ELMO3: variants seen among roughly 807,000 people sequenced by gnomAD.
ELMO3 encodes engulfment and cell motility protein 3.
In ELMO3, 81 loss-of-function variants were observed where a neutral mutation model predicts 89.0. The observed-to-expected ratio is 0.91, with a 90% CI of 0.76 to 1.09. The LOEUF is 1.09. Ranked by LOEUF, ELMO3 falls within the 50% of genes least tolerant of loss-of-function variation. The pLI is 0.00. For missense variants in ELMO3, 959 were observed against 972.8 expected (o/e 0.99, Z 0.19); for synonymous variants, 406 against 400.6 (o/e 1.01, Z -0.16).
At position 67,200,516 on chromosome 16, in the gene ELMO3, C is replaced by A; in HGVS notation, c.479C>A (p.Ser160Tyr). 6.2e-7 allele frequency: 1 copy of A among 1,613,726 alleles called. No homozygotes were observed. Residue 160 changes from serine (S) to tyrosine (Y), a missense_variant, in exon 6 of 20, where the codon TCC (serine) becomes TAC (tyrosine). Transcript: ENST00000393997. The part of the protein sequence containing the change: ...FSELMEHGVV[S>Y]WETLSIPFVR... ...GAGCTCATGGAGCACGGCGTGGTGT[C>A]CTGGGAGACTCTGAGCATCCCCTTT...
At chr16:67,199,837 C>T (rs933513596) in intron 3 of ELMO3, 81 bp downstream of exon 3, 1 of 1,603,244 alleles carries the variant, frequency 6.2e-7, no homozygotes, top group Non-Finnish European at 8.5e-7. Flanking sequence ...GGCTCTTCAT[C>T]CCACTACCGG....
chr16:67,199,465 C>A (rs1597278765), intron 1 of ELMO3, 61 bp downstream of exon 1: 11 of 1,586,610 alleles, frequency 6.9e-6, no homozygotes, highest in Non-Finnish European at 9.4e-6. Flanking sequence ...AGCCCCCTGG[C>A]CCTCGGGGCA....
In ELMO3 at chr16:67,201,872, C is replaced by T. The variant is rs1442215997; in HGVS notation, c.1049C>T (p.Ser350Phe). ...CGAGAGTTCCGCAAACTGGGCTTTT[C>T]TGTGAGTATCACCCCTACCCAACTC... ...CAREFRKLGF[S>F]NSNPAQDLER... Residue 350 changes from serine to phenylalanine, a missense_variant and splice_region_variant, in exon 11 of 20, where the codon TCT becomes TTT. Physicochemically the swap from Ser to Phe is radical, Grantham distance 155. Transcript: ENST00000393997. The T allele has an allele frequency of 6.2e-7, 1 of 1,606,964 alleles. No homozygotes were observed. The highest frequency in any genetic ancestry group is 8.5e-7 in the Non-Finnish European group (1 of 1,177,622).
At chr16:67,201,668 C>A in intron 10 of ELMO3, 26 bp downstream of exon 10, 1 of 1,609,906 alleles carries the variant, frequency 6.2e-7, no homozygotes. Context: ...GAGGACAAGG[C>A]AGGGGGTGGC....
rs764468014 is a variant in ELMO3, at chr16:67,201,771, C to T, written c.948C>T (p.Arg316=). The change falls in exon 11 of 20, where the codon CGC becomes CGT. Residue 316 remains arginine, a synonymous_variant. Coordinates refer to ENST00000393997, the MANE Select transcript of ELMO3 (RefSeq NM_024712.5). The stretch of plus-strand genomic sequence containing the variant: ...AGCGGGAGCAGCTGCAGGTCCTACG[C>T]CAGGCTGCCTTCGAGGTGGAGGGGG... ...QEQREQLQVL[R]QAAFEVEGES... 1 of 1,611,368 alleles carries T rather than the reference C, an allele frequency of 6.2e-7. No homozygotes were observed. The highest frequency in any genetic ancestry group is 1.3e-5 in the African/African-American group (1 of 75,048).
intron 4 of ELMO3, 54 bp downstream of exon 4, chr16:67,200,055 A>G: frequency 6.3e-7 from 1 of 1,592,380 alleles, no homozygotes; most frequent in Non-Finnish European, 8.5e-7. Flanking sequence ...CTCCAGGTCC[A>G]GAGGCCCCCC....
Position 67,203,245 on chromosome 16 carries a change from G to A in ELMO3, c.1780+22G>A, listed in dbSNP as rs763614564. 6.3e-7 allele frequency: 1 copy of A among 1,596,980 alleles called. No homozygotes were observed. The highest frequency in any genetic ancestry group is 1.1e-5 in the South Asian group (1 of 89,732). ...CAACGTAAGGCGGGCAGGGGCGGGG[G>A]CCAGATACCTGCTCTCCCCAGACCG... is the stretch of plus-strand genomic sequence containing the variant. On this transcript the variant is annotated intron_variant, in intron 17 of 19. Coordinates refer to ENST00000393997, the MANE Select transcript of ELMO3 (RefSeq NM_024712.5). This position sits in a 1 kb window ranked among gnomAD's most constrained non-coding sequence, Gnocchi z 4.6.
Position 67,203,635 on chromosome 16 carries a change from C to CA in ELMO3, c.1951-29dup. On this transcript the variant is annotated intron_variant, in intron 19 of 19. Transcript: ENST00000393997. The surrounding 1 kb of genome is among the most constrained non-coding windows in gnomAD (Gnocchi z 4.6). ...CAGGTGGGCAGGGGAGGCAGATGGGCAGACCCTCACGGCTCTGTGCCACCC... is the reference window on the plus strand; with the variant it reads ...CAGGTGGGCAGGGGAGGCAGATGGGCAAGACCCTCACGGCTCTGTGCCACCC... The CA allele has an allele frequency of 1.2e-6, 2 of 1,613,810 alleles. No homozygotes were observed. The highest frequency in any genetic ancestry group is 1.7e-6 in the Non-Finnish European group (2 of 1,179,950).
chr16:67,203,100 C>T lies in ELMO3; in HGVS notation c.1676-19C>T, dbSNP rs1275240688. The T allele has an allele frequency of 6.3e-7, 1 of 1,599,166 alleles. No homozygotes were observed. Among genetic ancestry groups the T allele is most frequent in the Non-Finnish European group, 8.5e-7 (1 of 1,173,586 alleles). On this transcript the variant is annotated intron_variant, in intron 16 of 19. Transcript: ENST00000393997. This position sits in a 1 kb window ranked among gnomAD's most constrained non-coding sequence, Gnocchi z 4.6. ...CAGGACCTCTCAGCACTCTGGCCCT[C>T]TTCCCTTTCTCCACGCAGATAAGCT... is the stretch of plus-strand genomic sequence containing the variant.
rs188892061 is a variant in ELMO3, at chr16:67,202,389, C to A, written c.1262-8C>A. ...TCTCCCTGAGCCCCTCCTGCCCCCC[C>A]ACTCCAGGCTCTGAGACAGCCCAGG... is the stretch of plus-strand genomic sequence containing the variant. On this transcript the variant is annotated splice_region_variant and splice_polypyrimidine_tract_variant and intron_variant, in intron 13 of 19. Coordinates refer to ENST00000393997, the MANE Select transcript of ELMO3 (RefSeq NM_024712.5). The A allele has an allele frequency of 3.0e-5, 48 of 1,613,822 alleles. No individual in the cohort carries two copies. The highest frequency in any genetic ancestry group is 1.6e-4 in the Middle Eastern group (1 of 6,062).
chr16:67,202,340 G>T (rs2033134721), intron 13 of ELMO3, 56 bp downstream of exon 13: 1 of 1,613,534 alleles, frequency 6.2e-7, no homozygotes. Context: ...GAAGGGCAGA[G>T]AGGGCCAGGG....
chr16:67,201,490 C>T lies in ELMO3; in HGVS notation c.796-30C>T, dbSNP rs190200837. On this transcript the variant is annotated intron_variant, in intron 9 of 19. Transcript: ENST00000393997. ...CTGCCCCTCCCTCCCCGTGAGCCCT[C>T]GCTTACACCAGGGACTGGCTGTCCT... is the stretch of plus-strand genomic sequence containing the variant. 107 of 1,613,960 alleles carry T rather than the reference C, an allele frequency of 6.6e-5. No individual in the cohort carries two copies. In the African/African-American group the frequency reaches 8.1e-4, roughly 12 times the overall value.
At position 67,203,257 on chromosome 16, in the gene ELMO3, C is replaced by G. The variant is rs1456760301; in HGVS notation, c.1780+34C>G. 5.6e-6 allele frequency: 9 copies of G among 1,593,620 alleles called. No individual in the cohort carries two copies. The highest frequency in any genetic ancestry group is 1.7e-5 in the Admixed American group (1 of 57,842). On this transcript the variant is annotated intron_variant, in intron 17 of 19. Coordinates refer to ENST00000393997, the MANE Select transcript of ELMO3 (RefSeq NM_024712.5). This position sits in a 1 kb window ranked among gnomAD's most constrained non-coding sequence, Gnocchi z 4.6. Reference sequence around the variant, plus strand: ...GGCAGGGGCGGGGGCCAGATACCTGCTCTCCCCAGACCGCCCTGGGCCCCG... The same window carrying G: ...GGCAGGGGCGGGGGCCAGATACCTGGTCTCCCCAGACCGCCCTGGGCCCCG...
Position 67,202,046 on chromosome 16 carries a change from T to C in ELMO3, c.1120T>C (p.Phe374Leu). ...GLLALDNMLY[F>L]SRNAPSAYSR... ...GCTGGCCCTGGACAACATGTTGTAC[T>C]TCTCCAGAAACGCGCCCAGCGCGTA... Residue 374 changes from phenylalanine (F) to leucine (L), a missense_variant, in exon 12 of 20, where the codon TTC becomes CTC. Coordinates refer to ENST00000393997, the MANE Select transcript of ELMO3 (RefSeq NM_024712.5). The C allele has an allele frequency of 6.2e-7, 1 of 1,613,292 alleles. No homozygotes were observed. The highest frequency in any genetic ancestry group is 1.1e-5 in the South Asian group (1 of 91,082).
At position 67,202,206 on chromosome 16, in the gene ELMO3, A is replaced by T. The variant is rs192034781; in HGVS notation, c.1183A>T (p.Lys395Ter). 4.2e-3 allele frequency: 6,769 copies of T among 1,604,682 alleles called. 40 individuals carry two copies. The highest frequency in any genetic ancestry group is 4.2e-3 in the Non-Finnish European group (4,882 of 1,173,850). Residue 395 changes from lysine to a stop codon, truncating the protein, a stop_gained, in exon 13 of 20, where the codon AAG becomes TAG. Coordinates refer to ENST00000393997, the MANE Select transcript of ELMO3 (RefSeq NM_024712.5). LOFTEE classifies it high-confidence loss of function. ...GTTGGAGAACAGCAGCCGCGAGGAC[A>T]AGCACGAGTGCCCCTTTGCCCGGGG... ...FVLENSSRED[K>*]HECPFARGSI... is the part of the protein sequence containing the mutation.
Position 67,199,613 on chromosome 16 carries a change from G to T in ELMO3, c.119+20G>T, listed in dbSNP as rs373998488. On this transcript the variant is annotated intron_variant, in intron 2 of 19. Transcript: ENST00000393997. ...CGACGCGTGAGTGCTGCCGGGCCAG[G>T]GCCTGCGGAGGGCGGGAGGGCAGGA... is the stretch of plus-strand genomic sequence containing the variant. 399 of 1,608,622 alleles carry T rather than the reference G, an allele frequency of 2.5e-4. No homozygotes were observed. Among genetic ancestry groups the T allele is most frequent in the Non-Finnish European group, 3.2e-4 (376 of 1,178,722 alleles).
In ELMO3 at chr16:67,203,304, T is replaced by C. The variant is rs556262842; in HGVS notation, c.1781-23T>C. On this transcript the variant is annotated intron_variant, in intron 17 of 19. Transcript: ENST00000393997. The surrounding 1 kb of genome is among the most constrained non-coding windows in gnomAD (Gnocchi z 4.6). ...CCCGGGGCTGCCAGGGCTGCAGTGC[T>C]CAGCCCAGCCTTCTTCCTGCAGTCC... 5 of 1,591,488 alleles carry C rather than the reference T, an allele frequency of 3.1e-6. No individual in the cohort carries two copies. In the South Asian group the frequency reaches 5.6e-5, roughly 18 times the overall value.
In ELMO3 at chr16:67,203,411, T is replaced by G. The variant is rs1457728911; in HGVS notation, c.1863+2T>G. On this transcript the variant is annotated splice_donor_variant, in intron 18 of 19. Coordinates refer to ENST00000393997, the MANE Select transcript of ELMO3 (RefSeq NM_024712.5). LOFTEE classifies it high-confidence loss of function. This position sits in a 1 kb window ranked among gnomAD's most constrained non-coding sequence, Gnocchi z 4.6. The stretch of plus-strand genomic sequence containing the variant: ...AAGGGCTCCGGGAAGCAGAACAAGG[T>G]GAGTACAGCGGGCCAGGGGCTCCTT... 6.2e-7 allele frequency: 1 copy of G among 1,612,512 alleles called. No individual in the cohort carries two copies. The highest frequency in any genetic ancestry group is 1.7e-5 in the Admixed American group (1 of 59,892).
rs562792377 is a variant in ELMO3 at position 67,202,193 on chromosome 16, C to T, written c.1170C>T (p.Ser390=). 31 of 1,601,654 alleles carry T rather than the reference C, an allele frequency of 1.9e-5. No homozygotes were observed. Among genetic ancestry groups the T allele is most frequent in the Non-Finnish European group, 2.5e-5 (29 of 1,172,030 alleles). ...SAYSRFVLEN[S]SREDKHECPF... is the part of the protein sequence containing the mutation. ...GCCCCCAGTTTGTGTTGGAGAACAGCAGCCGCGAGGACAAGCACGAGTGCC... is the reference window on the plus strand; with the variant it reads ...GCCCCCAGTTTGTGTTGGAGAACAGTAGCCGCGAGGACAAGCACGAGTGCC... Residue 390 remains serine, a synonymous_variant, in exon 13 of 20, where the codon AGC becomes AGT. Transcript: ENST00000393997.
Sources: gnomAD v4.1 joint callset for allele counts on GRCh38, gnomAD v4.1.1 for gene constraint, Gnocchi (gnomAD v3.1) non-coding constraint, MANE v1.5 for transcripts, NCBI Gene and HGNC (gene_info 2026-07-23, HGNC 2026-07-21) for gene names.